EFCAB6: variants seen among roughly 807,000 people sequenced by gnomAD.
The protein encoded by EFCAB6 is EF-hand calcium binding domain 6.
Under a neutral mutation model 169.8 loss-of-function variants are expected in EFCAB6, and 156 were observed. The observed-to-expected ratio is 0.92, with a 90% CI of 0.81 to 1.05. The LOEUF (loss-of-function observed/expected upper bound fraction) is 1.05. Ranked by LOEUF, EFCAB6 falls within the 50% of genes least tolerant of loss-of-function variation. The pLI is 0.00. For missense variants in EFCAB6, 1,800 were observed against 1,829.1 expected (o/e 0.98, Z 0.29); for synonymous variants, 698 against 676.4 (o/e 1.03, Z -0.50).
chr22:43,618,664 A>G (rs543612835), intron 20 of EFCAB6, among the ~76,000 whole-genome samples: 37 of 152,314 alleles, frequency 2.4e-4, no homozygotes, highest in Non-Finnish European at 1.6e-4. Context: ...AAAAGGTCCA[A>G]AAGAAAGGCT....
At chr22:43,679,971 A>T (rs2057939185) in intron 12 of EFCAB6, among the ~76,000 whole-genome samples, 1 of 152,118 alleles carries the variant, frequency 6.6e-6, no homozygotes, top group Non-Finnish European at 1.5e-5. Flanking sequence ...TGAAGCATGA[A>T]ATTTAATTTT....
intron 3 of EFCAB6, among the ~76,000 whole-genome samples, chr22:43,778,891 T>C (rs984026557): frequency 2.4e-5 from 3 of 123,138 alleles, no homozygotes; most frequent in Admixed American, 2.4e-4. Context: ...CTGGCATTAC[T>C]TTTTTTTTTT....
intron 24 of EFCAB6, among the ~76,000 whole-genome samples, chr22:43,587,848 G>A (rs894180607): frequency 3.9e-5 from 6 of 152,190 alleles, no homozygotes; most frequent in African/African-American, 1.4e-4. Context: ...AGTTCCTAGA[G>A]TGTTGACAAC....
At chr22:43,654,119 G>C (rs1043349729) in intron 17 of EFCAB6, among the ~76,000 whole-genome samples, 3 of 152,048 alleles carry the variant, frequency 2.0e-5, no homozygotes, top group Non-Finnish European at 4.4e-5. Context: ...AAATCATTAA[G>C]GATCTTATAC....
At chr22:43,688,017 G>A (rs1324563954) in intron 10 of EFCAB6, among the ~76,000 whole-genome samples, 1 of 152,192 alleles carries the variant, frequency 6.6e-6, no homozygotes, top group East Asian at 1.9e-4. Context: ...GGGCGGATCT[G>A]GAGATGGAGC....
intron 7 of EFCAB6, among the ~76,000 whole-genome samples, chr22:43,735,018 G>A (rs1164651014): frequency 6.6e-6 from 1 of 152,194 alleles, no homozygotes; most frequent in East Asian, 1.9e-4. Context: ...ATGGTCTGGA[G>A]CGTATTTAGA....
Position 43,811,972 on chromosome 22 carries a change from G to A in EFCAB6, c.-145+196C>T, listed in dbSNP as rs142844150. On this transcript the variant is annotated intron_variant, in intron 1 of 31. Coordinates refer to ENST00000262726, the MANE Select transcript of EFCAB6 (RefSeq NM_022785.4). ...CAGGGGCCCTACTGTTCCCCACAGG[G>A]CCCCAGGGCCTACAACATGCCTGGC... Among the ~76,000 whole-genome samples the A allele has an allele frequency of 2.7e-3, 408 of 152,218 alleles. 4 individuals are homozygous for A. The East Asian group carries it at 0.035, about 13-fold the overall frequency.
In EFCAB6 at chr22:43,600,185, G is replaced by A; in HGVS notation, c.2760C>T (p.Val920=). 6.2e-7 allele frequency: 1 copy of A among 1,614,176 alleles called. No homozygotes were observed. Among genetic ancestry groups the A allele is most frequent in the South Asian group, 1.1e-5 (1 of 91,062 alleles). The stretch of plus-strand genomic sequence containing the variant: ...AATAATCCTCTGCACAGGGCCGATG[G>A]ACAGCAGGCGAATAGTTAATACCCA... ...QKLGINYSPA[V]HRPCAEDYFN... is the part of the protein sequence containing the mutation. Residue 920 remains valine (V), a synonymous_variant, in exon 23 of 32, where the codon GTC becomes GTT. Coordinates refer to ENST00000262726, the MANE Select transcript of EFCAB6 (RefSeq NM_022785.4).
At chr22:43,631,436 C>T (rs971500384) in intron 19 of EFCAB6, among the ~76,000 whole-genome samples, 2 of 152,010 alleles carry the variant, frequency 1.3e-5, no homozygotes, top group African/African-American at 4.8e-5. Context: ...ATGCTTTTCC[C>T]CAGAGCCCAT....
intron 26 of EFCAB6, among the ~76,000 whole-genome samples, chr22:43,573,058 C>G (rs1475637282): frequency 6.6e-6 from 1 of 152,218 alleles, no homozygotes; most frequent in East Asian, 1.9e-4. Flanking sequence ...GCCAGCGGAG[C>G]TGGAAGAGGA....
chr22:43,710,752 T>C (rs140763913), intron 10 of EFCAB6, among the ~76,000 whole-genome samples: 11 of 152,274 alleles, frequency 7.2e-5, no homozygotes, highest in African/African-American at 2.2e-4. Flanking sequence ...AGTCTATATA[T>C]GTTTGCCACC....
chr22:43,671,826 G>C (rs2057505812), intron 15 of EFCAB6, 147 bp downstream of exon 15: 1 of 912,764 alleles, frequency 1.1e-6, no homozygotes, highest in East Asian at 2.6e-5. Flanking sequence ...CTTAAGCAAT[G>C]TCCAGTGCTA....
Position 43,787,967 on chromosome 22 carries a change from A to G in EFCAB6, c.-7-5642T>C, listed in dbSNP as rs143061059. ...AAACTTTTACATTTATCATTAATTG[A>G]TACTTGTCAAGGGTACCAAGACCAT... On this transcript the variant is annotated intron_variant, in intron 2 of 31. Transcript: ENST00000262726. 6.6e-5 allele frequency among the ~76,000 whole-genome samples: 10 copies of G among 152,346 alleles called. No individual in the cohort carries two copies. In the East Asian group the frequency reaches 1.9e-3, roughly 29 times the overall value.
chr22:43,661,060 G>A (rs892315127), intron 17 of EFCAB6, among the ~76,000 whole-genome samples: 3 of 152,114 alleles, frequency 2.0e-5, no homozygotes, highest in East Asian at 1.9e-4. Flanking sequence ...TGATATTTAC[G>A]TTAAATAACA....
At chr22:43,778,267 T>G (rs2061701784) in intron 3 of EFCAB6, among the ~76,000 whole-genome samples, 1 of 152,184 alleles carries the variant, frequency 6.6e-6, no homozygotes, top group Non-Finnish European at 1.5e-5. Flanking sequence ...AGGTCTGCGC[T>G]CACCCTCTTG....
At chr22:43,694,610 T>C (rs1177603258) in intron 10 of EFCAB6, among the ~76,000 whole-genome samples, 1 of 152,088 alleles carries the variant, frequency 6.6e-6, no homozygotes, top group African/African-American at 2.4e-5. Flanking sequence ...TAATGTATTA[T>C]CACTAAGTGA....
In EFCAB6 at chr22:43,621,597, G is replaced by GA. The variant is rs780900923; in HGVS notation, c.2465+4849dup. On this transcript the variant is annotated intron_variant, in intron 20 of 31. Transcript: ENST00000262726. Reference sequence around the variant, plus strand: ...CATTACATTAACGGCTTATATGAGAGAAAAAATGACTCAAATAAAAACTAT... The same window carrying GA: ...CATTACATTAACGGCTTATATGAGAGAAAAAAATGACTCAAATAAAAACTAT... Among the ~76,000 whole-genome samples the GA allele has an allele frequency of 4.2e-4, 64 of 151,574 alleles. 1 individual carries two copies. The highest frequency in any genetic ancestry group is 2.2e-4 in the Non-Finnish European group (15 of 67,840).
intron 2 of EFCAB6, among the ~76,000 whole-genome samples, chr22:43,788,984 T>C (rs2062174883): frequency 6.6e-6 from 1 of 152,124 alleles, no homozygotes; most frequent in Admixed American, 6.5e-5. Context: ...CAAAACCACA[T>C]ACTGTATCAT....
intron 6 of EFCAB6, among the ~76,000 whole-genome samples, chr22:43,752,307 A>G (rs2060800175): frequency 6.6e-6 from 1 of 151,904 alleles, no homozygotes; most frequent in Admixed American, 6.6e-5. Flanking sequence ...TAGTAGAGAC[A>G]AGGTTTCACC....
Sources: gnomAD v4.1 joint callset for allele counts (sites outside exome capture counted in the v4.1 genomes callset) on GRCh38, gnomAD v4.1.1 for gene constraint, MANE v1.5 for transcripts, NCBI Gene and HGNC (gene_info 2026-07-23, HGNC 2026-07-21) for gene names.